Variants in GLIS1 observed in about 807,000 individuals in gnomAD.
GLIS1 encodes zinc finger protein GLIS1.
A neutral mutation model predicts 63.8 loss-of-function variants in GLIS1; 24 were observed. The observed-to-expected ratio is 0.38, with a 90% CI of 0.27 to 0.53. GLIS1 has a LOEUF of 0.53. Among genes scored for constraint, GLIS1 ranks in the 20% least tolerant of loss-of-function variants. The pLI, the probability that GLIS1 is intolerant of heterozygous loss-of-function variation, is 0.85. For synonymous variants in GLIS1, 450 were observed against 482.5 expected (o/e 0.93, Z 0.88); for missense variants, 1,036 against 1,074.1 (o/e 0.96, Z 0.50).
chr1:53,576,316 CA>C, intron 4 of GLIS1, among the ~76,000 whole-genome samples: 1 of 152,198 alleles, frequency 6.6e-6, no homozygotes, highest in East Asian at 1.9e-4. Flanking sequence ...GGGACAATCT[CA>C]GCTCCAGCAC....
At chr1:53,591,900 C>T (rs1324960279) in intron 4 of GLIS1, among the ~76,000 whole-genome samples, 1 of 152,216 alleles carries the variant, frequency 6.6e-6, no homozygotes, top group African/African-American at 2.4e-5. Context: ...TTAAACAATA[C>T]TGATAGGTGA....
At chr1:53,701,595 A>C (rs1646523160) in intron 2 of GLIS1, among the ~76,000 whole-genome samples, 1 of 152,206 alleles carries the variant, frequency 6.6e-6, no homozygotes, top group Non-Finnish European at 1.5e-5. Flanking sequence ...TAGAGTCAGG[A>C]TTCAAATCTA....
chr1:53,647,978 T>C (rs1645864843), intron 2 of GLIS1, among the ~76,000 whole-genome samples: 1 of 151,838 alleles, frequency 6.6e-6, no homozygotes, highest in Non-Finnish European at 1.5e-5. Flanking sequence ...TCAAGACCAA[T>C]CTGGTCAACA....
chr1:53,521,076 G>A (rs1644403602), intron 6 of GLIS1, among the ~76,000 whole-genome samples: 1 of 152,210 alleles, frequency 6.6e-6, no homozygotes, highest in African/African-American at 2.4e-5. Flanking sequence ...AGGGAGAAGG[G>A]GTCAAGCGGG....
At chr1:53,529,684 C>T in intron 5 of GLIS1, 107 bp downstream of exon 5, 1 of 1,204,084 alleles carries the variant, frequency 8.3e-7, no homozygotes, top group Non-Finnish European at 1.2e-6. Flanking sequence ...ATCTCCTGCC[C>T]CAAACATCGG....
At chr1:53,664,106 C>A (rs944544247) in intron 2 of GLIS1, among the ~76,000 whole-genome samples, 3 of 152,210 alleles carry the variant, frequency 2.0e-5, no homozygotes, top group Non-Finnish European at 4.4e-5. Context: ...TCGAAAATAA[C>A]CCTGACAGGA....
At chr1:53,531,631 G>A (rs1470040368) in intron 4 of GLIS1, among the ~76,000 whole-genome samples, 6 of 152,216 alleles carry the variant, frequency 3.9e-5, no homozygotes, top group Non-Finnish European at 8.8e-5. Flanking sequence ...TGCCCTCTAG[G>A]TGTAGAGAGC....
intron 4 of GLIS1, among the ~76,000 whole-genome samples, chr1:53,567,958 G>C (rs1430720977): frequency 6.6e-6 from 1 of 152,372 alleles, no homozygotes; most frequent in East Asian, 1.9e-4. Flanking sequence ...AAGGGGAAAT[G>C]TGGGGTTGGA....
At chr1:53,668,541 T>C (rs1191173680) in intron 2 of GLIS1, among the ~76,000 whole-genome samples, 2 of 151,984 alleles carry the variant, frequency 1.3e-5, no homozygotes, top group African/African-American at 4.8e-5. Flanking sequence ...TTTGTATATT[T>C]AGTAGAGACA....
At chr1:53,698,898 T>C (rs1646494689) in intron 2 of GLIS1, among the ~76,000 whole-genome samples, 1 of 152,132 alleles carries the variant, frequency 6.6e-6, no homozygotes, top group African/African-American at 2.4e-5. Context: ...GGAAATGGGA[T>C]TGGAGACTGA....
chr1:53,600,264 C>G lies in GLIS1; in HGVS notation c.274G>C (p.Gly92Arg). The G allele has an allele frequency of 8.1e-7, 1 of 1,232,020 alleles. No homozygotes were observed. The allele number at this position is 1,232,020 out of a possible 1,614,324, so 76.3% of individuals were successfully genotyped here. ...AAAGKVNGSY[G>R]HRTPGSEKSL... ...TTCTCTGAGCCCGGGGTACGGTGTC[C>G]GTAGCTCCCATTCACTAGGCAGAGA... The change falls in exon 3 of 11, where the codon GGA becomes CGA. Residue 92 changes from glycine to arginine, a missense_variant. Transcript: ENST00000628545.
intron 2 of GLIS1, among the ~76,000 whole-genome samples, chr1:53,629,158 C>A (rs1645626218): frequency 6.6e-6 from 1 of 152,130 alleles, no homozygotes; most frequent in South Asian, 2.1e-4. Context: ...TCTACCCTTA[C>A]CGTGATGTGC....
intron 2 of GLIS1, among the ~76,000 whole-genome samples, chr1:53,710,010 C>A (rs1323740598): frequency 6.6e-6 from 1 of 152,158 alleles, no homozygotes; most frequent in Non-Finnish European, 1.5e-5. Flanking sequence ...TCACCAGAGA[C>A]CTTTGCCCAC....
At chr1:53,686,320 C>T (rs188640099) in intron 2 of GLIS1, among the ~76,000 whole-genome samples, 2 of 152,318 alleles carry the variant, frequency 1.3e-5, no homozygotes, top group African/African-American at 4.8e-5. Flanking sequence ...CAGCTCCACA[C>T]GGCACAATTC....
rs1378633426 is a variant in GLIS1 at position 53,524,773 on chromosome 1, T to G, written c.1593+4A>C. 1 of 1,610,772 alleles carries G rather than the reference T, an allele frequency of 6.2e-7. No homozygotes were observed. Among genetic ancestry groups the G allele is most frequent in the East Asian group, 2.2e-5 (1 of 44,876 alleles). On this transcript the variant is annotated splice_donor_region_variant and intron_variant, in intron 6 of 10. Coordinates refer to ENST00000628545, the MANE Select transcript of GLIS1 (RefSeq NM_001367484.1). ...AGGAGGCCAGATGAGGAGGGCTGGC[T>G]TACCTTCTTACGCACCTGCTGCTCT...
At chr1:53,680,600 T>A (rs746031860) in intron 2 of GLIS1, among the ~76,000 whole-genome samples, 3 of 152,230 alleles carry the variant, frequency 2.0e-5, no homozygotes, top group Non-Finnish European at 4.4e-5. Flanking sequence ...GGAAATGTGA[T>A]CCTCAGAAGA....
chr1:53,578,913 G>A (rs1037531813), intron 4 of GLIS1, among the ~76,000 whole-genome samples: 3 of 152,102 alleles, frequency 2.0e-5, no homozygotes, highest in African/African-American at 7.2e-5. Flanking sequence ...AGAAGGGAAG[G>A]GGTGAAGAAA....
chr1:53,549,988 C>T (rs148059014), intron 4 of GLIS1, among the ~76,000 whole-genome samples: 19 of 152,254 alleles, frequency 1.2e-4, no homozygotes, highest in African/African-American at 4.6e-4. Context: ...GAAGTGGTGC[C>T]CCTGTGGCTG....
chr1:53,522,990 T>C (rs868810442), intron 6 of GLIS1, among the ~76,000 whole-genome samples: 7 of 130,844 alleles, frequency 5.3e-5, no homozygotes, highest in Non-Finnish European at 9.8e-5. Context: ...TTCTTTCTTT[T>C]TTTTTTTTTT....
Sources: allele counts gnomAD v4.1 joint callset (sites outside exome capture counted in the v4.1 genomes callset), GRCh38; gene constraint gnomAD v4.1.1; transcripts MANE v1.5; gene names NCBI Gene and HGNC (gene_info 2026-07-23, HGNC 2026-07-21).